The following SPACA3 variants were observed in gnomAD, a reference collection of about 807,000 sequenced individuals.
The protein encoded by SPACA3 is sperm acrosome membrane-associated protein 3.
A neutral mutation model predicts 24.5 loss-of-function variants in SPACA3; 21 were observed. The ratio of observed to expected loss-of-function variants is 0.86; its 90% confidence interval spans 0.61 to 1.24. The LOEUF (loss-of-function observed/expected upper bound fraction) is 1.24, where lower values mean the gene tolerates loss of function less well. Among genes scored for constraint, SPACA3 ranks in the 50% most tolerant of loss-of-function variants. The pLI is 0.00. For synonymous variants in SPACA3, 115 were observed against 106.9 expected (o/e 1.08, Z -0.47); for missense variants, 278 against 275.5 (o/e 1.01, Z -0.06).
chr17:32,997,312 A>AGT (rs376224282), intron 3 of SPACA3, 133 bp from the exon 4 acceptor site: 27,072 of 502,414 alleles, frequency 0.054, 412 homozygotes, highest in African/African-American at 0.11. Context: ...AGGCGAGTGG[A>AGT]GTGTGTGTGT....
chr17:32,992,281 T>C (rs2091694588), intron 1 of SPACA3, among the ~76,000 whole-genome samples: 1 of 152,044 alleles, frequency 6.6e-6, no homozygotes, highest in South Asian at 2.1e-4. Context: ...CCCCACACCT[T>C]TCAATTGCTG....
At chr17:32,992,012 G>A in intron 1 of SPACA3, 40 bp downstream of exon 1, 1 of 1,610,554 alleles carries the variant, frequency 6.2e-7, no homozygotes, top group Non-Finnish European at 8.5e-7. Context: ...TGTTAACAGG[G>A]GCGCTGGGTT....
rs2151126752 is a variant in SPACA3 at position 32,991,894 on chromosome 17, G to A, written c.-45G>A. The A allele has an allele frequency of 6.2e-7, 1 of 1,613,442 alleles. No individual in the cohort carries two copies. Among genetic ancestry groups the A allele is most frequent in the Non-Finnish European group, 8.5e-7 (1 of 1,179,734 alleles). On this transcript the variant is annotated 5_prime_UTR_variant, in exon 1 of 5. Coordinates refer to ENST00000269053, the MANE Select transcript of SPACA3 (RefSeq NM_173847.5). ...GGCAAGGTTGTGGGGGACATCTTGA[G>A]CTGAAGCAGGGTTTTGAGCCACTGC... is the stretch of plus-strand genomic sequence containing the variant.
chr17:32,997,526 A>G lies in SPACA3; in HGVS notation c.581+3A>G, dbSNP rs1330273890. ...GAGCCTCAGGGTCTGGGTTACTGGT[A>G]AGTAACTTGGGCTGGAGCCCCGCAG... On this transcript the variant is annotated splice_donor_region_variant and intron_variant, in intron 4 of 4. Coordinates refer to ENST00000269053, the MANE Select transcript of SPACA3 (RefSeq NM_173847.5). 3.1e-6 allele frequency: 5 copies of G among 1,612,564 alleles called. No homozygotes were observed. The highest frequency in any genetic ancestry group is 3.4e-6 in the Non-Finnish European group (4 of 1,178,786).
chr17:32,996,841 A>G lies in SPACA3; in HGVS notation c.344-2A>G, dbSNP rs1378526015. The G allele has an allele frequency of 1.9e-6, 3 of 1,578,784 alleles. No homozygotes were observed. In the South Asian group the frequency reaches 3.6e-5, roughly 19 times the overall value. ...CCCAGGCCTATGCTCTGCCCTATGC[A>G]GGGGTCTGCCTTGCTTATTTCACAA... On this transcript the variant is annotated splice_acceptor_variant, in intron 2 of 4. Transcript: ENST00000269053. LOFTEE classifies it high-confidence loss of function.
chr17:32,997,646 TCTC>T (rs994383910), intron 4 of SPACA3, 63 bp from the exon 5 acceptor site: 2 of 1,573,926 alleles, frequency 1.3e-6, no homozygotes, highest in African/African-American at 2.7e-5. Context: ...TTCTTGTTCT[TCTC>T]TGGGCGGTGA....
At position 32,995,717 on chromosome 17, in the gene SPACA3, T is replaced by A. The variant is rs2091718114; in HGVS notation, c.343T>A (p.Trp115Arg). The A allele has an allele frequency of 6.2e-7, 1 of 1,610,550 alleles. No homozygotes were observed. The highest frequency in any genetic ancestry group is 1.3e-5 in the African/African-American group (1 of 75,006). The change falls in exon 2 of 5, where the codon TGG becomes AGG. Residue 115 changes from tryptophan (W) to arginine (R), a missense_variant and splice_region_variant. Trp to Arg is a moderately radical substitution (Grantham distance 101, BLOSUM62 -3). Coordinates refer to ENST00000269053, the MANE Select transcript of SPACA3 (RefSeq NM_173847.5). ...ATACCGGGGATACAGCCTGGCTGAC[T>A]GTGAGAACCCCTCTCCCTGGCGGGC... Reference protein sequence around the residue: ...DGYRGYSLADWVCLAYFTSGF... With the variant: ...DGYRGYSLADRVCLAYFTSGF...
At position 32,995,493 on chromosome 17, in the gene SPACA3, T is replaced by A; in HGVS notation, c.119T>A (p.Leu40Gln). ...VSCLSSQSSA[L>Q]SQSGGGSTSA... ...TGCCTGTCATCCCAAAGCTCAGCTC[T>A]GAGCCAGAGTGGTGGTGGCTCCACC... The change falls in exon 2 of 5, where the codon CTG becomes CAG. Residue 40 changes from leucine to glutamine, a missense_variant. Physicochemically the swap from Leu to Gln is moderately radical, Grantham distance 113. Transcript: ENST00000269053. 1 of 1,614,208 alleles carries A rather than the reference T, an allele frequency of 6.2e-7. No individual in the cohort carries two copies. Among genetic ancestry groups the A allele is most frequent in the Non-Finnish European group, 8.5e-7 (1 of 1,180,026 alleles).
rs1211821271 is a variant in SPACA3 at position 32,997,464 on chromosome 17, C to A, written c.522C>A (p.Leu174=). ...MYCSDLLNPN[L]KDTVICAMKI... Reference sequence around the variant, plus strand: ...CCCCAGATTTGTTGAATCCTAATCTCAAGGATACCGTTATCTGTGCCATGA... The same window carrying A: ...CCCCAGATTTGTTGAATCCTAATCTAAAGGATACCGTTATCTGTGCCATGA... Residue 174 remains leucine (L), a synonymous_variant, in exon 4 of 5, where the codon CTC becomes CTA. Transcript: ENST00000269053. 6.2e-7 allele frequency: 1 copy of A among 1,614,048 alleles called. No homozygotes were observed. The highest frequency in any genetic ancestry group is 1.7e-5 in the Admixed American group (1 of 60,014).
intron 2 of SPACA3, 37 bp downstream of exon 2, chr17:32,995,754 C>A: frequency 6.3e-7 from 1 of 1,588,994 alleles, no homozygotes; most frequent in Non-Finnish European, 8.6e-7. Flanking sequence ...CTGACTTCCC[C>A]ACACCTCCCT....
At chr17:32,995,782 T>C (rs2091718563) in intron 2 of SPACA3, 65 bp downstream of exon 2, 1 of 1,530,024 alleles carries the variant, frequency 6.5e-7, no homozygotes, top group Non-Finnish European at 8.9e-7. Context: ...TCCCTCCCTC[T>C]CTCCTTCTCA....
At position 32,995,608 on chromosome 17, in the gene SPACA3, C is replaced by G. The variant is rs777105777; in HGVS notation, c.234C>G (p.Leu78=). 6.2e-7 allele frequency: 1 copy of G among 1,614,236 alleles called. No individual in the cohort carries two copies. Residue 78 remains leucine (L), a synonymous_variant, in exon 2 of 5, where the codon CTC becomes CTG. Coordinates refer to ENST00000269053, the MANE Select transcript of SPACA3 (RefSeq NM_173847.5). Reference sequence around the variant, plus strand: ...TGTTGTTGGCCCTGGTCTGTCTGCTCAGCTGCCTGCTACCCTCCAGTGAGG... The same window carrying G: ...TGTTGTTGGCCCTGGTCTGTCTGCTGAGCTGCCTGCTACCCTCCAGTGAGG... ...GIMLLALVCL[L]SCLLPSSEAK...
At position 32,997,606 on chromosome 17, in the gene SPACA3, C is replaced by T. The variant is rs1057139692; in HGVS notation, c.581+83C>T. 3.9e-6 allele frequency: 6 copies of T among 1,546,450 alleles called. No individual in the cohort carries two copies. The African/African-American group carries it at 8.2e-5, about 21-fold the overall frequency. ...AGCAGGGAACAAACCCCTTTCCTTC[C>T]TCACTTCTGGTTTAGAGACCACACT... On this transcript the variant is annotated intron_variant, in intron 4 of 4. Coordinates refer to ENST00000269053, the MANE Select transcript of SPACA3 (RefSeq NM_173847.5).
chr17:32,997,751 T>A lies in SPACA3; in HGVS notation c.621T>A (p.Thr207=). The A allele has an allele frequency of 1.9e-6, 3 of 1,614,174 alleles. No individual in the cohort carries two copies. Among genetic ancestry groups the A allele is most frequent in the Non-Finnish European group, 2.5e-6 (3 of 1,180,028 alleles). ...WRHHCQGKDL[T]EWVDGCDF ...ATCACTGCCAGGGAAAAGACCTCACTGAATGGGTGGATGGCTGTGACTTCT... is the reference window on the plus strand; with the variant it reads ...ATCACTGCCAGGGAAAAGACCTCACAGAATGGGTGGATGGCTGTGACTTCT... Residue 207 remains threonine, a synonymous_variant, in exon 5 of 5, where the codon ACT becomes ACA. Coordinates refer to ENST00000269053, the MANE Select transcript of SPACA3 (RefSeq NM_173847.5).
Position 32,994,573 on chromosome 17 carries a change from C to T in SPACA3, c.35-836C>T, listed in dbSNP as rs959366522. 7.9e-5 allele frequency among the ~76,000 whole-genome samples: 12 copies of T among 152,104 alleles called. No homozygotes were observed. The East Asian group carries it at 1.4e-3, about 17-fold the overall frequency. On this transcript the variant is annotated intron_variant, in intron 1 of 4. Coordinates refer to ENST00000269053, the MANE Select transcript of SPACA3 (RefSeq NM_173847.5). The stretch of plus-strand genomic sequence containing the variant: ...TGAAGGTGGAGAGCAGGTGTGGAGG[C>T]GCAGAGGTCAAGAGAAGCATGGGAA...
At chr17:32,997,107 A>G in intron 3 of SPACA3, 106 bp downstream of exon 3, 1 of 1,323,012 alleles carries the variant, frequency 7.6e-7, no homozygotes, top group Non-Finnish European at 1.0e-6. Flanking sequence ...GGGTTCCCCC[A>G]CATCAGGCTG....
At chr17:32,995,069 G>A (rs2091713184) in intron 1 of SPACA3, among the ~76,000 whole-genome samples, 1 of 152,162 alleles carries the variant, frequency 6.6e-6, no homozygotes, top group South Asian at 2.1e-4. Flanking sequence ...CTTGACAGTT[G>A]GGCTGAGAGA....
At chr17:32,997,209 C>A (rs1174108056) in intron 3 of SPACA3, among the ~76,000 whole-genome samples, 2 of 151,912 alleles carry the variant, frequency 1.3e-5, no homozygotes, top group Non-Finnish European at 2.9e-5. Context: ...TGCCTTAGGG[C>A]TATAGGAATG....
In SPACA3 at chr17:32,995,484, G is replaced by A. The variant is rs754833679; in HGVS notation, c.110G>A (p.Ser37Asn). 1 of 1,614,162 alleles carries A rather than the reference G, an allele frequency of 6.2e-7. No individual in the cohort carries two copies. The highest frequency in any genetic ancestry group is 8.5e-7 in the Non-Finnish European group (1 of 1,179,994). The change falls in exon 2 of 5, where the codon AGC becomes AAC. Residue 37 changes from serine (S) to asparagine (N), a missense_variant. By Grantham distance (46) the Ser-to-Asn change is conservative (BLOSUM62 1). Transcript: ENST00000269053. ...CTGGTGAGCTGCCTGTCATCCCAAA[G>A]CTCAGCTCTGAGCCAGAGTGGTGGT... ...RRLVSCLSSQ[S>N]SALSQSGGGS... is the part of the protein sequence containing the mutation.
Sources: gnomAD v4.1 joint callset for allele counts (sites outside exome capture counted in the v4.1 genomes callset) on GRCh38, gnomAD v4.1.1 for gene constraint, MANE v1.5 for transcripts, NCBI Gene and HGNC (gene_info 2026-07-23, HGNC 2026-07-21) for gene names.